PLEKHH1: variants seen among roughly 807,000 people sequenced by gnomAD.
PLEKHH1 encodes the protein pleckstrin homology, MyTH4 and FERM domain containing H1.
PLEKHH1 carries 104 observed loss-of-function variants against 160.0 expected under a neutral mutation model. The ratio of observed to expected loss-of-function variants is 0.65; its 90% CI spans 0.55 to 0.76. PLEKHH1 has a LOEUF of 0.76. PLEKHH1 is among the 30% of genes least tolerant of loss of function. The pLI is 0.00. For missense variants in PLEKHH1, 1,427 were observed against 1,724.1 expected, an observed-to-expected ratio of 0.83 and a Z score of 3.05; for synonymous variants, 619 against 678.4, an observed-to-expected ratio of 0.91 and a Z score of 1.36.
At chr14:67,541,387 T>C (rs765627131) in intron 1 of PLEKHH1, among the ~76,000 whole-genome samples, 14 of 152,210 alleles carry the variant, frequency 9.2e-5, no homozygotes, top group Non-Finnish European at 1.6e-4. Context: ...TATGACTACA[T>C]TGTAATTAGA....
intron 3 of PLEKHH1, among the ~76,000 whole-genome samples, chr14:67,556,285 T>C (rs1486164656): frequency 6.6e-6 from 1 of 152,174 alleles, no homozygotes; most frequent in Admixed American, 6.5e-5. Context: ...TTGGTTGCCA[T>C]GGCAAGGAAA....
Position 67,579,762 on chromosome 14 carries a change from C to T in PLEKHH1, c.3069C>T (p.Leu1023=), listed in dbSNP as rs778177773. 21 of 1,612,752 alleles carry T rather than the reference C, an allele frequency of 1.3e-5. No individual in the cohort carries two copies. Among genetic ancestry groups the T allele is most frequent in the South Asian group, 2.2e-5 (2 of 90,620 alleles). The change falls in exon 22 of 29, where the codon CTC becomes CTT. Residue 1023 remains leucine, a synonymous_variant. Coordinates refer to ENST00000329153, the MANE Select transcript of PLEKHH1 (RefSeq NM_020715.3). ...GCTCTTCCACGGTTGATGAGTTCCT[C>T]CAGCGGCTGAACCAGGAGATAGGCA... ...FDGSSTVDEF[L]QRLNQEIGMR... is the part of the protein sequence containing the mutation.
intron 1 of PLEKHH1, among the ~76,000 whole-genome samples, chr14:67,539,529 G>A (rs1435011203): frequency 6.6e-6 from 1 of 152,154 alleles, no homozygotes; most frequent in Non-Finnish European, 1.5e-5. Flanking sequence ...TGCTTGGGGA[G>A]ATTATGGTGT....
In PLEKHH1 at chr14:67,582,589, C is replaced by T. The variant is rs1342979501; in HGVS notation, c.3426+379C>T. ...ATGTCAGCACTTTGCGAGGCCGAGGCGGGCAGATCACCTGAGGCCAGGAGT... is the reference window on the plus strand; with the variant it reads ...ATGTCAGCACTTTGCGAGGCCGAGGTGGGCAGATCACCTGAGGCCAGGAGT... On this transcript the variant is annotated intron_variant, in intron 24 of 28. Coordinates refer to ENST00000329153, the MANE Select transcript of PLEKHH1 (RefSeq NM_020715.3). The surrounding 1 kb of genome is among the most constrained non-coding windows in gnomAD (Gnocchi z 5.0). Among the ~76,000 whole-genome samples the T allele has an allele frequency of 4.6e-5, 7 of 152,042 alleles. No homozygotes were observed. The highest frequency in any genetic ancestry group is 1.7e-4 in the African/African-American group (7 of 41,374).
rs763803467 is a variant in PLEKHH1 at position 67,579,713 on chromosome 14, C to T, written c.3028-8C>T. On this transcript the variant is annotated splice_polypyrimidine_tract_variant and splice_region_variant and intron_variant, in intron 21 of 28. Transcript: ENST00000329153. Reference sequence around the variant, plus strand: ...TCACTCAGGGTTGGAACTCTTCTCCCGCCTCAGGTGGTTGGTTTTGACGGC... The same window carrying T: ...TCACTCAGGGTTGGAACTCTTCTCCTGCCTCAGGTGGTTGGTTTTGACGGC... 9.3e-6 allele frequency: 15 copies of T among 1,611,254 alleles called. No individual in the cohort carries two copies. Among genetic ancestry groups the T allele is most frequent in the Admixed American group, 3.3e-5 (2 of 59,716 alleles).
rs199730574 is a variant in PLEKHH1 at position 67,579,782 on chromosome 14, T to C, written c.3089T>C (p.Ile1030Thr). ...TTCCTCCAGCGGCTGAACCAGGAGA[T>C]AGGCATGAGAAAGCCATCCCACTCT... is the stretch of plus-strand genomic sequence containing the variant. The part of the protein sequence containing the change: ...DEFLQRLNQE[I>T]GMRKPSHSGF... The change falls in exon 22 of 29, where the codon ATA becomes ACA. Residue 1030 changes from isoleucine to threonine, a missense_variant. This residue lies in a region of PLEKHH1 where 436 missense variants were observed against 607.5 expected (regional missense o/e 0.72). Coordinates refer to ENST00000329153, the MANE Select transcript of PLEKHH1 (RefSeq NM_020715.3). 6.7e-4 allele frequency: 1,086 copies of C among 1,612,442 alleles called. 1 individual carries two copies. The highest frequency in any genetic ancestry group is 1.5e-3 in the Admixed American group (91 of 59,864).
At chr14:67,544,388 CCT>C (rs1167781941) in intron 2 of PLEKHH1, among the ~76,000 whole-genome samples, 2 of 152,152 alleles carry the variant, frequency 1.3e-5, no homozygotes, top group Non-Finnish European at 2.9e-5. Context: ...AGAAACAAAA[CCT>C]CTCTGGAGAC....
At position 67,560,021 on chromosome 14, in the gene PLEKHH1, T is replaced by TTTTA. The variant is rs377101981; in HGVS notation, c.423+349_423+352dup. ...CCACTCTCTCCACTTTCTCTTTTAT[T>TTTTA]TTTATTTATTTATTTATTTATTGGA... is the stretch of plus-strand genomic sequence containing the variant. On this transcript the variant is annotated intron_variant, in intron 5 of 28. Transcript: ENST00000329153. Among the ~76,000 whole-genome samples the TTTTA allele has an allele frequency of 3.3e-5, 5 of 152,152 alleles. No individual in the cohort carries two copies. In the East Asian group the frequency reaches 5.8e-4, roughly 18 times the overall value.
intron 2 of PLEKHH1, among the ~76,000 whole-genome samples, chr14:67,549,664 A>ACTCAT (rs1187174980): frequency 2.0e-5 from 3 of 152,160 alleles, no homozygotes; most frequent in Non-Finnish European, 4.4e-5. Flanking sequence ...TGAGTTCTGT[A>ACTCAT]GTGCTCGTGA....
At chr14:67,540,625 C>CAAA (rs61700275) in intron 1 of PLEKHH1, among the ~76,000 whole-genome samples, 71 of 123,240 alleles carry the variant, frequency 5.8e-4, no homozygotes, top group South Asian at 1.6e-3. Flanking sequence ...GACTCTCCCT[C>CAAA]AAAAAAAAAA....
intron 9 of PLEKHH1, 181 bp from the exon 10 acceptor site, chr14:67,571,571 C>T (rs2035376059): frequency 3.5e-6 from 2 of 568,404 alleles, no homozygotes; most frequent in Non-Finnish European, 6.3e-6. Flanking sequence ...GCCTGAGAAG[C>T]ATGGAGGTCA....
intron 1 of PLEKHH1, among the ~76,000 whole-genome samples, chr14:67,534,067 A>AG (rs932347588): frequency 2.0e-5 from 3 of 152,146 alleles, no homozygotes; most frequent in Non-Finnish European, 4.4e-5. Context: ...CTCTTCCAAG[A>AG]CAGAGCCTTG....
intron 2 of PLEKHH1, among the ~76,000 whole-genome samples, chr14:67,552,654 C>CTG: frequency 6.6e-6 from 1 of 151,834 alleles, no homozygotes; most frequent in East Asian, 1.9e-4. Flanking sequence ...GTAGTCCCAG[C>CTG]TACTCGGGAG....
chr14:67,574,163 A>G lies in PLEKHH1; in HGVS notation c.1927-79A>G. ...AGGCCAGCCCCTTGGGTTCAGGGACAGGTGCCACCTCGGAGCCAGGTCCTG... is the reference window on the plus strand; with the variant it reads ...AGGCCAGCCCCTTGGGTTCAGGGACGGGTGCCACCTCGGAGCCAGGTCCTG... On this transcript the variant is annotated intron_variant, in intron 13 of 28. Transcript: ENST00000329153. The surrounding 1 kb of genome is among the most constrained non-coding windows in gnomAD (Gnocchi z 4.2). 1.5e-6 allele frequency: 2 copies of G among 1,311,440 alleles called. No individual in the cohort carries two copies. Among genetic ancestry groups the G allele is most frequent in the Non-Finnish European group, 2.1e-6 (2 of 963,970 alleles). The allele number at this position is 1,311,440 out of a possible 1,614,324, so 81.2% of individuals were successfully genotyped here. A position where few individuals can be genotyped will look rare whatever the true frequency, so the allele number is the denominator to read the frequency against.
intron 2 of PLEKHH1, among the ~76,000 whole-genome samples, chr14:67,552,057 C>T (rs2034413430): frequency 6.6e-6 from 1 of 152,180 alleles, no homozygotes; most frequent in South Asian, 2.1e-4. Context: ...TGACAAGGAG[C>T]TGTACACTTG....
chr14:67,546,390 G>GTCTTGT (rs1555365963), intron 2 of PLEKHH1, among the ~76,000 whole-genome samples: 4 of 151,892 alleles, frequency 2.6e-5, no homozygotes, highest in Non-Finnish European at 5.9e-5. Flanking sequence ...TGTGTTTTTT[G>GTCTTGT]TTTTGTTTTT....
Position 67,579,829 on chromosome 14 carries a change from G to C in PLEKHH1, c.3136G>C (p.Asp1046His). Residue 1046 changes from aspartate (D) to histidine (H), a missense_variant, in exon 22 of 29, where the codon GAT becomes CAT. By Grantham distance (81) the Asp-to-His change is moderately conservative. This residue lies in a region of PLEKHH1 where 436 missense variants were observed against 607.5 expected (regional missense o/e 0.72). Transcript: ENST00000329153. ...SHSGFALFTDDPSGRDLEHCL... is the reference protein window; with the variant it reads ...SHSGFALFTDHPSGRDLEHCL... ...CTCTGGCTTTGCCCTCTTCACGGAC[G>C]ATCCCTCGGGCAGGGACCTGGAGCA... is the stretch of plus-strand genomic sequence containing the variant. 6 of 1,608,162 alleles carry C rather than the reference G, an allele frequency of 3.7e-6. No homozygotes were observed. The highest frequency in any genetic ancestry group is 4.2e-6 in the Non-Finnish European group (5 of 1,177,410).
chr14:67,569,203 T>C lies in PLEKHH1; in HGVS notation c.1329T>C (p.Asn443=). 6.2e-7 allele frequency: 1 copy of C among 1,611,060 alleles called. No homozygotes were observed. The highest frequency in any genetic ancestry group is 1.1e-5 in the South Asian group (1 of 91,032). ...TCTCAGATATGTCTCCCAGAAGTAA[T>C]ACTGCATGCTGCGGTGAGTTCCAAG... ...MRLSDMSPRS[N]TACCASSPPA... is the part of the protein sequence containing the mutation. Residue 443 remains asparagine, a synonymous_variant, in exon 8 of 29, where the codon AAT becomes AAC. Transcript: ENST00000329153.
At position 67,571,882 on chromosome 14, in the gene PLEKHH1, GC is replaced by G; in HGVS notation, c.1570del (p.Arg524GlyfsTer12). ...SESRKTSGLG[S>X]PRAIKRGVSM... is the part of the protein sequence containing the mutation. ...TCCAGGAAGACCAGCGGACTAGGCA[GC>G]CCCCGGGCCATCAAGAGAGGTACAG... On this transcript the variant is annotated frameshift_variant, in exon 10 of 29. Coordinates refer to ENST00000329153, the MANE Select transcript of PLEKHH1 (RefSeq NM_020715.3). LOFTEE classifies it high-confidence loss of function. 6.2e-7 allele frequency: 1 copy of G among 1,611,598 alleles called. No individual in the cohort carries two copies. Among genetic ancestry groups the G allele is most frequent in the South Asian group, 1.1e-5 (1 of 90,590 alleles).
Sources: allele counts gnomAD v4.1 joint callset (sites outside exome capture counted in the v4.1 genomes callset), GRCh38; gene constraint gnomAD v4.1.1; regional missense constraint gnomAD v4.1.1; non-coding constraint Gnocchi (gnomAD v3.1); transcripts MANE v1.5; gene names NCBI Gene and HGNC (gene_info 2026-07-23, HGNC 2026-07-21).